Variants in OSBPL6 observed in about 807,000 individuals in gnomAD.
The protein encoded by OSBPL6 is oxysterol-binding protein-related protein 6.
Under a neutral mutation model 125.8 loss-of-function variants are expected in OSBPL6, and 49 were observed. The observed-to-expected ratio is 0.39, with a 90% CI of 0.31 to 0.49. OSBPL6 has a LOEUF of 0.49. Among genes scored for constraint, OSBPL6 ranks in the 20% least tolerant of loss-of-function variants. The pLI is 0.88. For synonymous variants in OSBPL6, 394 were observed against 391.8 expected, an observed-to-expected ratio of 1.01 and a Z score of -0.07; for missense variants, 986 against 1,135.4, an observed-to-expected ratio of 0.87 and a Z score of 1.89.
chr2:178,390,610 A>T (rs1695321945), intron 21 of OSBPL6, among the ~76,000 whole-genome samples: 1 of 152,214 alleles, frequency 6.6e-6, no homozygotes, highest in Non-Finnish European at 1.5e-5. Context: ...GCAAACTCCC[A>T]TAGACTTCTT....
intron 3 of OSBPL6, among the ~76,000 whole-genome samples, chr2:178,317,857 G>A (rs1402607279): frequency 1.3e-5 from 2 of 151,974 alleles, no homozygotes; most frequent in Non-Finnish European, 2.9e-5. Flanking sequence ...ATTATTTTCA[G>A]GTCACAGTTT....
chr2:178,227,183 A>ATAT (rs1167900285), intron 1 of OSBPL6, among the ~76,000 whole-genome samples: 1 of 152,266 alleles, frequency 6.6e-6, no homozygotes, highest in African/African-American at 2.4e-5. Flanking sequence ...AAGGAAATAC[A>ATAT]TATGGCTAAG....
In OSBPL6 at chr2:178,349,355, G is replaced by C; in HGVS notation, c.1119G>C (p.Lys373Asn). 1.2e-6 allele frequency: 2 copies of C among 1,614,146 alleles called. No individual in the cohort carries two copies. The highest frequency in any genetic ancestry group is 1.7e-6 in the Non-Finnish European group (2 of 1,180,016). ...DPLESSTDYT[K>N]LQEEFCLIAQ... ...TGGAAAGTTCAACAGATTATACAAA[G>C]CTGCAAGAAGAATTTTGTCTAATCG... Residue 373 changes from lysine to asparagine, a missense_variant, in exon 12 of 25, where the codon AAG becomes AAC. Lys to Asn is a moderately conservative substitution (Grantham distance 94). Transcript: ENST00000190611.
chr2:178,328,393 A>G lies in OSBPL6; in HGVS notation c.318+15A>G. 1.2e-6 allele frequency: 2 copies of G among 1,610,220 alleles called. No individual in the cohort carries two copies. The highest frequency in any genetic ancestry group is 2.2e-5 in the South Asian group (2 of 89,986). ...GCTGGCACAAGGTAACATTTTTATC[A>G]TATTCAGGTTCAGACCATCTTCATA... On this transcript the variant is annotated intron_variant, in intron 5 of 24. Coordinates refer to ENST00000190611, the MANE Select transcript of OSBPL6 (RefSeq NM_032523.4).
chr2:178,301,433 A>G (rs13400738), intron 2 of OSBPL6, among the ~76,000 whole-genome samples: 50,965 of 151,960 alleles, frequency 0.34, 9,966 homozygotes, highest in East Asian at 0.5. Context: ...TTTATCAAAA[A>G]AGCCATTAGT....
chr2:178,332,688 C>T lies in OSBPL6; in HGVS notation c.420C>T (p.Val140=). ...VHGSIDVGLS[V]MSIKKKARRI... ...GGAGCATAGATGTGGGACTCTCAGT[C>T]ATGTCAATTAAAAAGAAAGCTCGAA... is the stretch of plus-strand genomic sequence containing the variant. The change falls in exon 7 of 25, where the codon GTC becomes GTT. Residue 140 remains valine (V), a synonymous_variant. Coordinates refer to ENST00000190611, the MANE Select transcript of OSBPL6 (RefSeq NM_032523.4). 1.9e-6 allele frequency: 3 copies of T among 1,614,090 alleles called. No homozygotes were observed. The highest frequency in any genetic ancestry group is 2.5e-6 in the Non-Finnish European group (3 of 1,180,008).
chr2:178,239,185 C>A (rs1381936556), intron 1 of OSBPL6, among the ~76,000 whole-genome samples: 1 of 152,076 alleles, frequency 6.6e-6, no homozygotes, highest in African/African-American at 2.4e-5. Context: ...ATGTTACACC[C>A]AAAATATGTT....
chr2:178,348,467 C>A (rs762206387), intron 11 of OSBPL6, among the ~76,000 whole-genome samples: 1 of 152,138 alleles, frequency 6.6e-6, no homozygotes, highest in Non-Finnish European at 1.5e-5. Context: ...TTTGCCTCCA[C>A]CAATCAGGAA....
At chr2:178,215,796 G>C (rs1026472188) in intron 1 of OSBPL6, among the ~76,000 whole-genome samples, 26 of 152,272 alleles carry the variant, frequency 1.7e-4, no homozygotes, top group Admixed American at 5.9e-4. Flanking sequence ...AGATGACTTT[G>C]AGGTGACCAG....
At chr2:178,281,303 G>A (rs549614566) in intron 1 of OSBPL6, among the ~76,000 whole-genome samples, 7 of 152,164 alleles carry the variant, frequency 4.6e-5, no homozygotes, top group South Asian at 2.1e-4. Flanking sequence ...GTGAGCCACC[G>A]TGCCCGGCCG....
chr2:178,377,053 T>A (rs943959826), intron 15 of OSBPL6, among the ~76,000 whole-genome samples: 7 of 152,142 alleles, frequency 4.6e-5, no homozygotes, highest in African/African-American at 1.7e-4. Context: ...TCTGGGACAA[T>A]CTCATCTGCC....
intron 1 of OSBPL6, among the ~76,000 whole-genome samples, chr2:178,208,252 C>G (rs914646726): frequency 6.0e-5 from 9 of 149,052 alleles, no homozygotes; most frequent in African/African-American, 2.2e-4. Context: ...TGCCACTGCA[C>G]TCCAGCCTGG....
chr2:178,339,171 A>T (rs1216443341), intron 10 of OSBPL6, 77 bp downstream of exon 10: 1 of 788,810 alleles, frequency 1.3e-6, no homozygotes, highest in East Asian at 2.8e-5. Flanking sequence ...CTATGAATAT[A>T]TAAGGTAACA....
chr2:178,391,240 G>A lies in OSBPL6; in HGVS notation c.2446+23G>A, dbSNP rs544631402. ...CAGGTGAGAGTGGCCTGAGTGTTCT[G>A]CCAACAGGAGGGCACTATGGACAAC... On this transcript the variant is annotated intron_variant, in intron 22 of 24. Coordinates refer to ENST00000190611, the MANE Select transcript of OSBPL6 (RefSeq NM_032523.4). 7.6e-6 allele frequency: 12 copies of A among 1,573,544 alleles called. No homozygotes were observed. In the African/African-American group the frequency reaches 1.6e-4, roughly 21 times the overall value.
chr2:178,259,403 T>C (rs961515686), intron 1 of OSBPL6, among the ~76,000 whole-genome samples: 2 of 152,122 alleles, frequency 1.3e-5, no homozygotes, highest in Non-Finnish European at 2.9e-5. Context: ...GATTACTTAA[T>C]GGTTCAGTTT....
intron 5 of OSBPL6, among the ~76,000 whole-genome samples, chr2:178,330,105 A>G (rs896007360): frequency 3.9e-5 from 6 of 152,076 alleles, no homozygotes; most frequent in Admixed American, 1.3e-4. Context: ...CCTTCCTACA[A>G]TCACTGTTGC....
intron 1 of OSBPL6, among the ~76,000 whole-genome samples, chr2:178,266,282 A>G (rs1392048319): frequency 6.6e-6 from 1 of 152,190 alleles, no homozygotes; most frequent in Non-Finnish European, 1.5e-5. Flanking sequence ...TGATTTTTGT[A>G]GGATAACACT....
chr2:178,220,611 G>T (rs1012090628), intron 1 of OSBPL6, among the ~76,000 whole-genome samples: 1 of 152,182 alleles, frequency 6.6e-6, no homozygotes, highest in Non-Finnish European at 1.5e-5. Context: ...CAGCCAAAAA[G>T]TGAATAGTGT....
chr2:178,336,480 A>G, intron 9 of OSBPL6, 47 bp downstream of exon 9: 2 of 1,600,474 alleles, frequency 1.2e-6, no homozygotes, highest in South Asian at 1.1e-5. Flanking sequence ...AAACCAAACA[A>G]GAAACAAAAC....
Sources: allele counts gnomAD v4.1 joint callset (sites outside exome capture counted in the v4.1 genomes callset), GRCh38; gene constraint gnomAD v4.1.1; transcripts MANE v1.5; gene names NCBI Gene and HGNC (gene_info 2026-07-23, HGNC 2026-07-21).